The following RNF4 variants were observed in gnomAD, a reference collection of about 807,000 sequenced individuals.
The protein encoded by RNF4 is ring finger protein 4.
In RNF4, 7 loss-of-function variants were observed where a neutral mutation model predicts 24.3. The ratio of observed to expected loss-of-function variants is 0.29; its 90% CI spans 0.16 to 0.54. The LOEUF is 0.54. Ranked by LOEUF, RNF4 falls within the 20% of genes least tolerant of loss-of-function variation. RNF4 has a pLI of 0.95. For missense variants in RNF4, 209 were observed against 248.5 expected, an observed-to-expected ratio of 0.84 and a Z score of 1.07; for synonymous variants, 83 against 84.3, an observed-to-expected ratio of 0.98 and a Z score of 0.09.
rs1736309410 is a variant in RNF4 at position 2,512,954 on chromosome 4, G to A, written c.375-129G>A. 2.3e-6 allele frequency: 2 copies of A among 884,124 alleles called. No homozygotes were observed. Among genetic ancestry groups the A allele is most frequent in the Non-Finnish European group, 3.7e-6 (2 of 544,542 alleles). 54.8% of individuals were successfully genotyped at this position (884,124 alleles called of 1,614,324 possible). On this transcript the variant is annotated intron_variant, in intron 6 of 7. Coordinates refer to ENST00000314289, the MANE Select transcript of RNF4 (RefSeq NM_002938.5). This position sits in a 1 kb window ranked among gnomAD's most constrained non-coding sequence, Gnocchi z 4.1. Reference sequence around the variant, plus strand: ...TGGCTTTCCTGAAAGTCTCTCGGATGCCCGCGCTAAGGCAGAGTCAGGAGG... The same window carrying A: ...TGGCTTTCCTGAAAGTCTCTCGGATACCCGCGCTAAGGCAGAGTCAGGAGG...
intron 1 of RNF4, among the ~76,000 whole-genome samples, chr4:2,488,855 G>C (rs149130025): frequency 6.6e-6 from 1 of 151,872 alleles, no homozygotes; most frequent in Non-Finnish European, 1.5e-5. Flanking sequence ...TTTTGCTCTC[G>C]TTGTCCAGGG....
At chr4:2,498,142 T>TTACCC (rs1735794281) in intron 3 of RNF4, among the ~76,000 whole-genome samples, 1 of 152,212 alleles carries the variant, frequency 6.6e-6, no homozygotes, top group Non-Finnish European at 1.5e-5. Flanking sequence ...CTAGGCAGTC[T>TTACCC]TACCCCTGTG....
intron 1 of RNF4, among the ~76,000 whole-genome samples, chr4:2,483,926 G>C (rs1045746405): frequency 2.0e-5 from 3 of 151,384 alleles, no homozygotes; most frequent in Non-Finnish European, 4.4e-5. Flanking sequence ...TCTTGGGTTC[G>C]AGCGATTCTC....
intron 2 of RNF4, among the ~76,000 whole-genome samples, chr4:2,495,638 T>A (rs1364405341): frequency 1.4e-5 from 1 of 71,794 alleles, no homozygotes; most frequent in Non-Finnish European, 3.0e-5. Flanking sequence ...TCTTTTTTTT[T>A]TGGGGGGGGG....
chr4:2,496,987 C>G lies in RNF4; in HGVS notation c.10-20C>G, dbSNP rs1329359423. The stretch of plus-strand genomic sequence containing the variant: ...ACATTCTGGTGTTCATGTGACTCTT[C>G]TTTCCCCCTTGCTACTCAGAGAAAG... On this transcript the variant is annotated intron_variant, in intron 2 of 7. Transcript: ENST00000314289. The G allele has an allele frequency of 3.2e-6, 5 of 1,560,954 alleles. No homozygotes were observed. Among genetic ancestry groups the G allele is most frequent in the Non-Finnish European group, 4.4e-6 (5 of 1,148,442 alleles).
chr4:2,477,364 A>G (rs921864959), intron 1 of RNF4, among the ~76,000 whole-genome samples: 10 of 152,060 alleles, frequency 6.6e-5, no homozygotes, highest in African/African-American at 2.4e-4. Context: ...AGGCGGGCGG[A>G]TCACGAGGTT....
At chr4:2,496,161 T>G (rs560727263) in intron 2 of RNF4, among the ~76,000 whole-genome samples, 1 of 152,266 alleles carries the variant, frequency 6.6e-6, no homozygotes, top group South Asian at 2.1e-4. Context: ...TTTGAGTTCT[T>G]TGTGGGGAGT....
At position 2,512,308 on chromosome 4, in the gene RNF4, C is replaced by T; in HGVS notation, c.215-130C>T. On this transcript the variant is annotated intron_variant, in intron 5 of 7. Coordinates refer to ENST00000314289, the MANE Select transcript of RNF4 (RefSeq NM_002938.5). This position sits in a 1 kb window ranked among gnomAD's most constrained non-coding sequence, Gnocchi z 4.1. Reference sequence around the variant, plus strand: ...CAGAACCTTCTGGGTTATAGCTGAGCATGGCAGCAGTTTGTCTCTGGGGGT... The same window carrying T: ...CAGAACCTTCTGGGTTATAGCTGAGTATGGCAGCAGTTTGTCTCTGGGGGT... 9.1e-7 allele frequency: 1 copy of T among 1,094,918 alleles called. No individual in the cohort carries two copies. Among genetic ancestry groups the T allele is most frequent in the Non-Finnish European group, 1.4e-6 (1 of 740,238 alleles). 67.8% of individuals were successfully genotyped at this position (1,094,918 alleles called of 1,614,324 possible). A position where few individuals can be genotyped will look rare whatever the true frequency, so the allele number is the denominator to read the frequency against.
chr4:2,484,265 A>C (rs952460934), intron 1 of RNF4, among the ~76,000 whole-genome samples: 1 of 151,844 alleles, frequency 6.6e-6, no homozygotes, highest in Non-Finnish European at 1.5e-5. Flanking sequence ...GACTGGCTGC[A>C]GAGTTACGAT....
chr4:2,481,425 A>T (rs1735240140), intron 1 of RNF4, among the ~76,000 whole-genome samples: 1 of 152,128 alleles, frequency 6.6e-6, no homozygotes, highest in South Asian at 2.1e-4. Flanking sequence ...CTGCAAATGA[A>T]CCCAGAAAAG....
chr4:2,500,830 C>A, intron 4 of RNF4, 92 bp downstream of exon 4: 1 of 1,187,384 alleles, frequency 8.4e-7, no homozygotes, highest in Non-Finnish European at 1.2e-6. Context: ...GACTCCAAGT[C>A]AAGGTTACAG....
At chr4:2,470,579 C>G (rs1734871740) in intron 1 of RNF4, among the ~76,000 whole-genome samples, 1 of 152,176 alleles carries the variant, frequency 6.6e-6, no homozygotes, top group African/African-American at 2.4e-5. Context: ...TTTTTCTAAT[C>G]TTCATGAAAT....
At chr4:2,504,671 C>CT (rs1736016245) in intron 4 of RNF4, among the ~76,000 whole-genome samples, 1 of 150,334 alleles carries the variant, frequency 6.7e-6, no homozygotes, top group Non-Finnish European at 1.5e-5. Flanking sequence ...CTGCCTCAGC[C>CT]TCCAGAGTAG....
intron 4 of RNF4, among the ~76,000 whole-genome samples, chr4:2,504,613 T>C (rs189703369): frequency 0.018 from 2,647 of 150,460 alleles, 72 homozygotes; most frequent in East Asian, 0.12. Flanking sequence ...TGCAGTGGCG[T>C]GATCTTGGCT....
At chr4:2,505,058 C>T (rs1278490434) in intron 4 of RNF4, 4 of 151,864 alleles carry the variant, frequency 2.6e-5, no homozygotes, top group Admixed American at 2.0e-4. Context: ...TTTTATGCAA[C>T]TTTCGTATAT....
At chr4:2,491,389 T>C (rs1489086358) in intron 2 of RNF4, among the ~76,000 whole-genome samples, 1 of 151,872 alleles carries the variant, frequency 6.6e-6, no homozygotes, top group Non-Finnish European at 1.5e-5. Context: ...GGCATGCACC[T>C]CCCCGCCCAG....
intron 1 of RNF4, chr4:2,470,119 CTGCACCAAGTTCT>C (rs1734856818): frequency 6.6e-6 from 1 of 152,256 alleles, no homozygotes; most frequent in Non-Finnish European, 1.5e-5. Context: ...CGTTCTGTTT[CTGCACCAAGTTCT>C]TGAGCCAGAC....
At position 2,513,981 on chromosome 4, in the gene RNF4, A is replaced by T. The variant is rs1241159577; in HGVS notation, c.*162A>T. 1 of 946,904 alleles carries T rather than the reference A, an allele frequency of 1.1e-6. No homozygotes were observed. Among genetic ancestry groups the T allele is most frequent in the Non-Finnish European group, 1.6e-6 (1 of 631,846 alleles). 58.7% of individuals were successfully genotyped at this position (946,904 alleles called of 1,614,324 possible). ...CCAACCCCTTCCTTTTGTTATCTCC[A>T]GTTTGATGCTATGGCGCTGGACCCA... On this transcript the variant is annotated 3_prime_UTR_variant, in exon 8 of 8. Coordinates refer to ENST00000314289, the MANE Select transcript of RNF4 (RefSeq NM_002938.5).
At chr4:2,470,683 A>G (rs1734875531) in intron 1 of RNF4, among the ~76,000 whole-genome samples, 2 of 152,344 alleles carry the variant, frequency 1.3e-5, no homozygotes, top group South Asian at 4.1e-4. Context: ...TCTCCTCAAG[A>G]TCAAAGTAGC....
Sources: allele counts gnomAD v4.1 joint callset (sites outside exome capture counted in the v4.1 genomes callset), GRCh38; gene constraint gnomAD v4.1.1; non-coding constraint Gnocchi (gnomAD v3.1); transcripts MANE v1.5; gene names NCBI Gene and HGNC (gene_info 2026-07-23, HGNC 2026-07-21).